GIGYF2: variants seen among roughly 807,000 people sequenced by gnomAD.
The protein encoded by GIGYF2 is GRB10 interacting GYF protein 2.
GIGYF2 carries 25 observed loss-of-function variants against 208.1 expected under a neutral mutation model. The observed-to-expected ratio is 0.12, with a 90% confidence interval of 0.09 to 0.17. The LOEUF (loss-of-function observed/expected upper bound fraction) is 0.17. Among genes scored for constraint, GIGYF2 ranks in the 10% least tolerant of loss-of-function variants. The probability of loss-of-function intolerance (pLI) is 1.00; values close to 1 mark genes in which losing one functional copy is unlikely to be tolerated. For synonymous variants in GIGYF2, 534 were observed against 543.8 expected (o/e 0.98, Z 0.25); for missense variants, 1,302 against 1,579.4 (o/e 0.82, Z 2.98).
chr2:232,770,061 T>C (rs1699169007), intron 8 of GIGYF2, among the ~76,000 whole-genome samples: 1 of 152,212 alleles, frequency 6.6e-6, no homozygotes, highest in Non-Finnish European at 1.5e-5. Context: ...TATAAGTTTA[T>C]AGACCCCCTT....
At chr2:232,702,854 G>A (rs1233050048) in intron 1 of GIGYF2, among the ~76,000 whole-genome samples, 1 of 152,202 alleles carries the variant, frequency 6.6e-6, no homozygotes, top group African/African-American at 2.4e-5. Context: ...GAGTGCAGTG[G>A]TACAGTTGCA....
At chr2:232,717,372 G>C (rs1321785657) in intron 2 of GIGYF2, among the ~76,000 whole-genome samples, 1 of 152,056 alleles carries the variant, frequency 6.6e-6, no homozygotes, top group Non-Finnish European at 1.5e-5. Context: ...CAAATGTGAA[G>C]TTTATAGTTC....
chr2:232,784,385 T>C (rs1459410160), intron 8 of GIGYF2, among the ~76,000 whole-genome samples: 2 of 100,004 alleles, frequency 2.0e-5, no homozygotes, highest in South Asian at 3.8e-4. Flanking sequence ...CGAAATAATT[T>C]CTTTTTTTTT....
intron 8 of GIGYF2, chr2:232,776,407 A>G (rs776113291): frequency 5.1e-6 from 8 of 1,569,504 alleles, no homozygotes; most frequent in Non-Finnish European, 6.1e-6. Context: ...CCTGTTTCCC[A>G]TAAGGAAAGA....
intron 3 of GIGYF2, among the ~76,000 whole-genome samples, chr2:232,746,881 A>G (rs1441019966): frequency 6.6e-6 from 1 of 152,216 alleles, no homozygotes; most frequent in African/African-American, 2.4e-5. Flanking sequence ...CATTGTAGGT[A>G]CAATTAAAGC....
intron 9 of GIGYF2, among the ~76,000 whole-genome samples, chr2:232,789,490 A>C (rs1041820280): frequency 2.6e-5 from 4 of 152,196 alleles, no homozygotes; most frequent in Non-Finnish European, 5.9e-5. Context: ...CTGAGTATAA[A>C]ATTCCTTAGT....
At chr2:232,777,114 CTT>C (rs61071359) in intron 8 of GIGYF2, among the ~76,000 whole-genome samples, 12 of 146,170 alleles carry the variant, frequency 8.2e-5, no homozygotes, top group African/African-American at 2.0e-4. Context: ...AGGAAACAAA[CTT>C]TTTTTTTTTA....
chr2:232,700,783 C>T (rs768505778), intron 1 of GIGYF2: 2 of 151,238 alleles, frequency 1.3e-5, no homozygotes, highest in Non-Finnish European at 2.9e-5. Flanking sequence ...GTGATAAAGT[C>T]CTATGGTTTT....
intron 25 of GIGYF2, 54 bp from the exon 26 acceptor site, chr2:232,845,678 A>G (rs113085393): frequency 7.2e-7 from 1 of 1,392,816 alleles, no homozygotes; most frequent in Non-Finnish European, 1.0e-6. Flanking sequence ...TTGTACTATA[A>G]TCATATAGTA....
chr2:232,698,088 T>G (rs1446885133), intron 1 of GIGYF2, among the ~76,000 whole-genome samples: 1 of 152,202 alleles, frequency 6.6e-6, no homozygotes, highest in Non-Finnish European at 1.5e-5. Flanking sequence ...TATCCTTAAG[T>G]GTCAGTTTCC....
chr2:232,713,921 G>C (rs532159683), intron 2 of GIGYF2, among the ~76,000 whole-genome samples: 5 of 151,224 alleles, frequency 3.3e-5, no homozygotes, highest in African/African-American at 1.2e-4. Context: ...TATTCCCCCT[G>C]GTGCCCTTGA....
intron 8 of GIGYF2, chr2:232,776,373 G>C (rs737027): frequency 0.64 from 716,929 of 1,115,630 alleles, 232,382 homozygotes; most frequent in South Asian, 0.79. Context: ...TAGCTCTGTT[G>C]CTATTTGCCA....
intron 5 of GIGYF2, among the ~76,000 whole-genome samples, chr2:232,754,053 T>C (rs1293264105): frequency 2.0e-5 from 3 of 151,832 alleles, no homozygotes. Context: ...TAGTCCCAGC[T>C]ACTCAGGAGG....
rs1173750391 is a variant in GIGYF2 at position 232,806,450 on chromosome 2, A to T, written c.1640-41A>T. On this transcript the variant is annotated intron_variant, in intron 14 of 28. Transcript: ENST00000373563. The surrounding 1 kb of genome is among the most constrained non-coding windows in gnomAD (Gnocchi z 4.0). Reference sequence around the variant, plus strand: ...TATTTTTTTTCTCTTTGAGTCTGAAAGGTTTCTTATTGTCTTTCTGTTTAA... The same window carrying T: ...TATTTTTTTTCTCTTTGAGTCTGAATGGTTTCTTATTGTCTTTCTGTTTAA... The T allele has an allele frequency of 2.3e-5, 32 of 1,375,942 alleles. No individual in the cohort carries two copies. Among genetic ancestry groups the T allele is most frequent in the Non-Finnish European group, 3.2e-5 (31 of 962,654 alleles). 85.2% of individuals were successfully genotyped at this position (1,375,942 alleles called of 1,614,324 possible). A position where few individuals can be genotyped will look rare whatever the true frequency, so the allele number is the denominator to read the frequency against.
intron 3 of GIGYF2, among the ~76,000 whole-genome samples, chr2:232,741,857 A>T (rs1235196942): frequency 6.6e-6 from 1 of 152,222 alleles, no homozygotes; most frequent in Admixed American, 6.5e-5. Context: ...ATGTCCACTT[A>T]TATGACTTTA....
intron 2 of GIGYF2, among the ~76,000 whole-genome samples, chr2:232,720,581 A>ATTTTTTTTTTTTTTTTTTTTT (rs1331036864): frequency 8.5e-6 from 1 of 117,848 alleles, no homozygotes; most frequent in African/African-American, 3.0e-5. Flanking sequence ...ATATATATAT[A>ATTTTTTTTTTTTTTTTTTTTT]TATTTTTGTT....
chr2:232,789,836 C>CT (rs1455212702), intron 9 of GIGYF2, among the ~76,000 whole-genome samples: 1 of 151,644 alleles, frequency 6.6e-6, no homozygotes, highest in African/African-American at 2.4e-5. Context: ...GTTTCCCTTT[C>CT]TTTTTTTTAG....
chr2:232,844,976 C>T (rs1178548570), intron 25 of GIGYF2, among the ~76,000 whole-genome samples: 1 of 152,036 alleles, frequency 6.6e-6, no homozygotes, highest in Non-Finnish European at 1.5e-5. Flanking sequence ...GACCTTAAAC[C>T]TATTTATTTT....
intron 5 of GIGYF2, among the ~76,000 whole-genome samples, chr2:232,753,120 T>TTTAC (rs1698397638): frequency 6.6e-6 from 1 of 151,258 alleles, no homozygotes; most frequent in Non-Finnish European, 1.5e-5. Context: ...TATTTATTTA[T>TTTAC]TTATTTATTT....
Sources: gnomAD v4.1 joint callset for allele counts (sites outside exome capture counted in the v4.1 genomes callset) on GRCh38, gnomAD v4.1.1 for gene constraint, Gnocchi (gnomAD v3.1) non-coding constraint, MANE v1.5 for transcripts, NCBI Gene and HGNC (gene_info 2026-07-23, HGNC 2026-07-21) for gene names.